The following BCAS3 variants were observed in gnomAD, a reference collection of about 807,000 sequenced individuals.
The protein encoded by BCAS3 is BCAS4/BCAS3 fusion.
Under a neutral mutation model 116.1 loss-of-function variants are expected in BCAS3, and 53 were observed. The ratio of observed to expected loss-of-function variants is 0.46; its 90% CI spans 0.37 to 0.57. The LOEUF is 0.57. BCAS3 is among the 20% of genes least tolerant of loss of function. The pLI, the probability that BCAS3 is intolerant of heterozygous loss-of-function variation, is 0.00. For synonymous variants in BCAS3, 391 were observed against 408.2 expected, an observed-to-expected ratio of 0.96 and a Z score of 0.51; for missense variants, 917 against 1,165.4, an observed-to-expected ratio of 0.79 and a Z score of 3.10.
At chr17:60,911,895 T>C (rs2058535461) in intron 12 of BCAS3, among the ~76,000 whole-genome samples, 2 of 152,250 alleles carry the variant, frequency 1.3e-5, no homozygotes, top group African/African-American at 4.8e-5. Context: ...AAGTAGCATA[T>C]AAGAATACAT....
intron 22 of BCAS3, among the ~76,000 whole-genome samples, chr17:61,110,531 G>A (rs1010611192): frequency 4.1e-4 from 62 of 150,490 alleles, no homozygotes; most frequent in African/African-American, 1.7e-4. Flanking sequence ...TGCGCTTTTC[G>A]GACCGGCTTA....
chr17:61,122,016 CTG>C lies in BCAS3; in HGVS notation c.2425+37455_2425+37456del, dbSNP rs2075818180. ...ATGCTGGGATTACAGGCGTGAGCCA[CTG>C]TGCCCGGCCAAAAACATATGATTTT... On this transcript the variant is annotated intron_variant, in intron 22 of 23. Transcript: ENST00000407086. The surrounding 1 kb of genome is among the most constrained non-coding windows in gnomAD (Gnocchi z 4.6). Among the ~76,000 whole-genome samples, 1 of 152,146 alleles carries C rather than the reference CTG, an allele frequency of 6.6e-6. No homozygotes were observed. Among genetic ancestry groups the C allele is most frequent in the African/African-American group, 2.4e-5 (1 of 41,398 alleles).
Position 60,956,049 on chromosome 17 carries a change from T to A in BCAS3, c.1221+8697T>A, listed in dbSNP as rs2145285326. 6.6e-6 allele frequency among the ~76,000 whole-genome samples: 1 copy of A among 152,380 alleles called. No homozygotes were observed. On this transcript the variant is annotated intron_variant, in intron 14 of 23. Transcript: ENST00000407086. The surrounding 1 kb of genome is among the most constrained non-coding windows in gnomAD (Gnocchi z 4.2). The stretch of plus-strand genomic sequence containing the variant: ...TTTACAAGGTTTTTGGGGCAGTAAT[T>A]TAAAACTATGTAAATATGCCATTCT...
chr17:61,126,246 G>T lies in BCAS3; in HGVS notation c.2425+41682G>T, dbSNP rs2076040192. On this transcript the variant is annotated intron_variant, in intron 22 of 23. Transcript: ENST00000407086. This position sits in a 1 kb window ranked among gnomAD's most constrained non-coding sequence, Gnocchi z 4.6. ...TCATTAGAATTGTGTGTGCGTTGTG[G>T]CATGTGGGTACATCAGAAGTATATT... Among the ~76,000 whole-genome samples the T allele has an allele frequency of 6.6e-6, 1 of 152,214 alleles. No individual in the cohort carries two copies. The highest frequency in any genetic ancestry group is 2.1e-4 in the South Asian group (1 of 4,826).
At chr17:60,886,751 C>G (rs1427759405) in intron 9 of BCAS3, among the ~76,000 whole-genome samples, 4 of 152,126 alleles carry the variant, frequency 2.6e-5, no homozygotes, top group African/African-American at 9.7e-5. Context: ...CCCAGTTAGG[C>G]TGCTCGGGGG....
At chr17:61,218,809 C>G (rs1182159147) in intron 22 of BCAS3, among the ~76,000 whole-genome samples, 1 of 152,182 alleles carries the variant, frequency 6.6e-6, no homozygotes, top group African/African-American at 2.4e-5. Flanking sequence ...TTACTTGTAC[C>G]AGTTTAATTA....
In BCAS3 at chr17:61,098,929, C is replaced by T. The variant is rs141995381; in HGVS notation, c.2425+14365C>T. Among the ~76,000 whole-genome samples, 1,465 of 152,156 alleles carry T rather than the reference C, an allele frequency of 9.6e-3. 33 individuals carry two copies. The highest frequency in any genetic ancestry group is 0.034 in the African/African-American group (1,396 of 41,496). ...CACCAGGTCAGGAGATCGAGATCAT[C>T]CTGGCTAACACGGTGAAACCCCATC... On this transcript the variant is annotated intron_variant, in intron 22 of 23. Coordinates refer to ENST00000407086, the MANE Select transcript of BCAS3 (RefSeq NM_017679.5). This position sits in a 1 kb window ranked among gnomAD's most constrained non-coding sequence, Gnocchi z 4.2.
At position 60,797,956 on chromosome 17, in the gene BCAS3, C is replaced by G. The variant is rs114785788; in HGVS notation, c.404-10048C>G. 6.6e-3 allele frequency among the ~76,000 whole-genome samples: 1,005 copies of G among 152,216 alleles called. 12 individuals carry two copies. Among genetic ancestry groups the G allele is most frequent in the African/African-American group, 0.023 (973 of 41,528 alleles). ...ACTCAGGAGGCTAAGGTGGGAGGATCATTTGAGCTGGAAGGTGGAAGTTTC... is the reference window on the plus strand; with the variant it reads ...ACTCAGGAGGCTAAGGTGGGAGGATGATTTGAGCTGGAAGGTGGAAGTTTC... On this transcript the variant is annotated intron_variant, in intron 6 of 23. Coordinates refer to ENST00000407086, the MANE Select transcript of BCAS3 (RefSeq NM_017679.5).
chr17:60,983,969 C>T (rs2062971818), intron 14 of BCAS3, among the ~76,000 whole-genome samples: 1 of 152,154 alleles, frequency 6.6e-6, no homozygotes, highest in African/African-American at 2.4e-5. Context: ...TAATAGGACC[C>T]CTGATCTATT....
Position 60,799,748 on chromosome 17 carries a change from GT to G in BCAS3, c.404-8253del. ...TTTTTTTTTTTTTAGTAGAACTGGG[GT>G]TTCACCATGTTGGCCAGGCTGGTCT... On this transcript the variant is annotated intron_variant, in intron 6 of 23. Coordinates refer to ENST00000407086, the MANE Select transcript of BCAS3 (RefSeq NM_017679.5). Among the ~76,000 whole-genome samples, 3 of 110,486 alleles carry G rather than the reference GT, an allele frequency of 2.7e-5. No individual in the cohort carries two copies. In the South Asian group the frequency reaches 9.7e-4, roughly 36 times the overall value. The allele number at this position is 110,486 out of a possible 152,430, so 72.5% of individuals were successfully genotyped here.
intron 7 of BCAS3, among the ~76,000 whole-genome samples, chr17:60,864,715 T>C (rs2054447092): frequency 1.3e-5 from 2 of 152,208 alleles, no homozygotes; most frequent in African/African-American, 4.8e-5. Flanking sequence ...GTAAGAGGTC[T>C]GGTTTTCTGC....
chr17:60,718,044 C>T (rs1362784129), intron 5 of BCAS3, among the ~76,000 whole-genome samples: 5 of 152,248 alleles, frequency 3.3e-5, no homozygotes, highest in Admixed American at 6.5e-5. Flanking sequence ...GTTCGCGCGC[C>T]TATGATAATC....
intron 7 of BCAS3, among the ~76,000 whole-genome samples, chr17:60,837,247 C>A (rs2051443066): frequency 6.6e-6 from 1 of 152,110 alleles, no homozygotes; most frequent in Non-Finnish European, 1.5e-5. Flanking sequence ...ACTAGCTGTC[C>A]TAAACATCCA....
rs971536562 is a variant in BCAS3, at chr17:61,162,848, G to A, written c.2425+78284G>A. ...CATTCTTAATGTTTTGCCTTTTGTT[G>A]TTATTTGGGACACTCAAGAGGACCA... is the stretch of plus-strand genomic sequence containing the variant. On this transcript the variant is annotated intron_variant, in intron 22 of 23. Coordinates refer to ENST00000407086, the MANE Select transcript of BCAS3 (RefSeq NM_017679.5). The surrounding 1 kb of genome is among the most constrained non-coding windows in gnomAD (Gnocchi z 5.6). Among the ~76,000 whole-genome samples, 6 of 152,100 alleles carry A rather than the reference G, an allele frequency of 3.9e-5. No individual in the cohort carries two copies. Among genetic ancestry groups the A allele is most frequent in the Non-Finnish European group, 7.4e-5 (5 of 68,022 alleles).
intron 6 of BCAS3, among the ~76,000 whole-genome samples, chr17:60,752,228 T>G (rs2042543618): frequency 6.6e-6 from 1 of 151,996 alleles, no homozygotes; most frequent in South Asian, 2.1e-4. Flanking sequence ...TGAACATTGT[T>G]TTATTTCAGA....
Position 61,279,770 on chromosome 17 carries a change from G to A in BCAS3, c.2426-88557G>A, listed in dbSNP as rs2051080073. On this transcript the variant is annotated intron_variant, in intron 22 of 23. Coordinates refer to ENST00000407086, the MANE Select transcript of BCAS3 (RefSeq NM_017679.5). The surrounding 1 kb of genome is among the most constrained non-coding windows in gnomAD (Gnocchi z 4.4). ...TGAGGTGGCACTGGTCCCTCTGCTTGAGTGAAGAAAAAAAAAAAAAACTAG... is the reference window on the plus strand; with the variant it reads ...TGAGGTGGCACTGGTCCCTCTGCTTAAGTGAAGAAAAAAAAAAAAAACTAG... Among the ~76,000 whole-genome samples the A allele has an allele frequency of 6.6e-6, 1 of 150,584 alleles. No homozygotes were observed. The highest frequency in any genetic ancestry group is 2.4e-5 in the African/African-American group (1 of 40,902).
At chr17:60,930,259 T>C (rs1450621568) in intron 13 of BCAS3, among the ~76,000 whole-genome samples, 2 of 152,230 alleles carry the variant, frequency 1.3e-5, no homozygotes, top group Non-Finnish European at 2.9e-5. Context: ...TCATGGGGTA[T>C]GTAATATGGC....
rs994441846 is a variant in BCAS3, at chr17:60,995,587, C to T, written c.1486+5352C>T. ...TGCTGGGATTACAAGCGTGAACCAC[C>T]GCGCCCGACCAGTTTCTAAGGCTTT... On this transcript the variant is annotated intron_variant, in intron 15 of 23. Coordinates refer to ENST00000407086, the MANE Select transcript of BCAS3 (RefSeq NM_017679.5). This position sits in a 1 kb window ranked among gnomAD's most constrained non-coding sequence, Gnocchi z 4.7. Among the ~76,000 whole-genome samples, 13 of 152,130 alleles carry T rather than the reference C, an allele frequency of 8.5e-5. No individual in the cohort carries two copies. The highest frequency in any genetic ancestry group is 3.1e-4 in the African/African-American group (13 of 41,420).
At chr17:61,263,683 T>C (rs188071959) in intron 22 of BCAS3, among the ~76,000 whole-genome samples, 127 of 152,380 alleles carry the variant, frequency 8.3e-4, no homozygotes, top group African/African-American at 3.0e-3. Context: ...AGACCTATTA[T>C]GACTTTTATT....
Sources: allele counts gnomAD v4.1 joint callset (sites outside exome capture counted in the v4.1 genomes callset), GRCh38; gene constraint gnomAD v4.1.1; non-coding constraint Gnocchi (gnomAD v3.1); transcripts MANE v1.5; gene names NCBI Gene and HGNC (gene_info 2026-07-23, HGNC 2026-07-21).